The following GRIP1 variants were observed in gnomAD, a reference collection of about 807,000 sequenced individuals.
The protein encoded by GRIP1 is glutamate receptor interacting protein 1, also known as glutamate receptor-interacting protein 1.
A neutral mutation model predicts 129.9 loss-of-function variants in GRIP1; 45 were observed. The observed-to-expected ratio is 0.35, with a 90% CI of 0.27 to 0.44. The LOEUF (loss-of-function observed/expected upper bound fraction) is 0.44. Ranked by LOEUF, GRIP1 falls within the 20% of genes least tolerant of loss-of-function variation. GRIP1 has a pLI of 1.00. For synonymous variants in GRIP1, 530 were observed against 520.8 expected (o/e 1.02, Z -0.24); for missense variants, 1,196 against 1,396.8 (o/e 0.86, Z 2.29).
intron 7 of GRIP1, among the ~76,000 whole-genome samples, chr12:66,503,908 T>A (rs1439962217): frequency 6.6e-6 from 1 of 152,170 alleles, no homozygotes; most frequent in Non-Finnish European, 1.5e-5. Flanking sequence ...GGACAGGAAC[T>A]TTTCATAGGG....
rs1461385654 is a variant in GRIP1 at position 66,349,228 on chromosome 12, T to C, written c.3178A>G (p.Arg1060Gly). 7.4e-6 allele frequency: 12 copies of C among 1,613,880 alleles called. No individual in the cohort carries two copies. Among genetic ancestry groups the C allele is most frequent in the Non-Finnish European group, 1.0e-5 (12 of 1,179,768 alleles). The change falls in exon 25 of 25, where the codon AGA becomes GGA. Residue 1060 changes from arginine to glycine, a missense_variant. Physicochemically the swap from Arg to Gly is moderately radical, Grantham distance 125. Transcript: ENST00000359742. Reference protein sequence around the residue: ...RLLQVNHVRTRDFDCCLVVPL... With the variant: ...RLLQVNHVRTGDFDCCLVVPL... ...ACAACAAGGCAGCAGTCAAAGTCTC[T>C]GGTTCGGACATGATTCACCTGAAAG... is the stretch of plus-strand genomic sequence containing the variant.
rs12312831 is a variant in GRIP1 at position 66,349,788 on chromosome 12, C to T, written c.3160-542G>A. ...CTTGATGCCAGGAGTTTGAGACCAG[C>T]CTGGGCAACATAGTGAGACCCTGTC... On this transcript the variant is annotated intron_variant, in intron 24 of 24. Coordinates refer to ENST00000359742, the MANE Select transcript of GRIP1 (RefSeq NM_001366722.1). 5.2e-3 allele frequency among the ~76,000 whole-genome samples: 782 copies of T among 150,634 alleles called. 10 individuals carry two copies. Among genetic ancestry groups the T allele is most frequent in the African/African-American group, 0.018 (740 of 40,882 alleles).
At chr12:66,457,160 T>G (rs1397893587) in intron 9 of GRIP1, among the ~76,000 whole-genome samples, 1 of 152,216 alleles carries the variant, frequency 6.6e-6, no homozygotes. Context: ...ATATTAAGAT[T>G]TGATATTCCA....
intron 7 of GRIP1, among the ~76,000 whole-genome samples, chr12:66,498,354 G>A (rs1320093160): frequency 6.6e-6 from 1 of 152,176 alleles, no homozygotes; most frequent in African/African-American, 2.4e-5. Context: ...CAGGCTAAGG[G>A]GAGAAGTACT....
intron 2 of GRIP1, among the ~76,000 whole-genome samples, chr12:66,573,279 A>C (rs2063027271): frequency 6.6e-6 from 1 of 151,996 alleles, no homozygotes; most frequent in Admixed American, 6.5e-5. Flanking sequence ...ATCCTCTCTG[A>C]GTCAAGACTC....
At chr12:66,574,900 G>C (rs1414895537) in intron 2 of GRIP1, among the ~76,000 whole-genome samples, 1 of 150,652 alleles carries the variant, frequency 6.6e-6, no homozygotes, top group African/African-American at 2.4e-5. Context: ...TCATCTTCCT[G>C]GTATAACAGG....
At chr12:67,069,294 T>G, upstream of GRIP1, 3 of 143,248 alleles carry the variant, frequency 2.1e-5, no homozygotes, top group Non-Finnish European at 4.1e-5. Flanking sequence ...CCCCTCAAAC[T>G]CGCCGGCGGC....
At chr12:66,789,643 C>G (rs1490006338) in intron 1 of GRIP1, among the ~76,000 whole-genome samples, 1 of 151,702 alleles carries the variant, frequency 6.6e-6, no homozygotes, top group African/African-American at 2.4e-5. Flanking sequence ...TTTCCATTAA[C>G]TATTTAAACA....
chr12:66,791,957 G>T (rs1330026367), intron 1 of GRIP1, among the ~76,000 whole-genome samples: 4 of 152,260 alleles, frequency 2.6e-5, no homozygotes, highest in Admixed American at 1.3e-4. Context: ...AGTCAACAAT[G>T]TTCTCACATG....
exon 1 of GRIP1, chr12:67,069,102 G>A (rs1476801396): frequency 9.1e-6 from 9 of 984,788 alleles, no homozygotes; most frequent in Non-Finnish European, 1.1e-5. Context: ...TCTTCCAGCC[G>A]GGCATGGTGT....
In GRIP1 at chr12:66,434,020, C is replaced by T. The variant is rs191758002; in HGVS notation, c.1688-1392G>A. ...ATTCATGGAAAGAGAGAGAGGACTC[C>T]CTTCTTTGTTTGGCCTTGAATTGCT... On this transcript the variant is annotated intron_variant, in intron 13 of 24. Coordinates refer to ENST00000359742, the MANE Select transcript of GRIP1 (RefSeq NM_001366722.1). Among the ~76,000 whole-genome samples, 10 of 152,268 alleles carry T rather than the reference C, an allele frequency of 6.6e-5. No individual in the cohort carries two copies. In the East Asian group the frequency reaches 1.9e-3, roughly 29 times the overall value.
chr12:66,363,147 A>C (rs2054880200), intron 23 of GRIP1, among the ~76,000 whole-genome samples: 1 of 141,516 alleles, frequency 7.1e-6, no homozygotes, highest in Non-Finnish European at 1.5e-5. Flanking sequence ...ATATACACAC[A>C]CATATATACA....
chr12:66,379,537 G>A (rs1434366150), intron 19 of GRIP1, 101 bp from the exon 20 acceptor site: 2 of 1,146,768 alleles, frequency 1.7e-6, no homozygotes, highest in African/African-American at 3.0e-5. Flanking sequence ...TAACGGCAAT[G>A]ACAATAACAA....
intron 1 of GRIP1, among the ~76,000 whole-genome samples, chr12:66,971,065 C>T (rs926705552): frequency 2.6e-4 from 39 of 152,136 alleles, no homozygotes; most frequent in African/African-American, 8.9e-4. Context: ...CAGACTCCTG[C>T]GCCTAGGAGT....
intron 1 of GRIP1, among the ~76,000 whole-genome samples, chr12:66,877,378 A>G (rs1364641029): frequency 6.6e-6 from 1 of 152,088 alleles, no homozygotes; most frequent in Non-Finnish European, 1.5e-5. Flanking sequence ...GGTAAAATGT[A>G]TTTTAAGTCA....
chr12:66,355,388 C>T (rs766458498), intron 23 of GRIP1, among the ~76,000 whole-genome samples: 5 of 152,160 alleles, frequency 3.3e-5, no homozygotes, highest in Non-Finnish European at 5.9e-5. Context: ...ATCCTTATAA[C>T]GATTCCGTAA....
At chr12:66,558,899 TC>T (rs1171349840) in intron 2 of GRIP1, among the ~76,000 whole-genome samples, 1 of 151,710 alleles carries the variant, frequency 6.6e-6, no homozygotes, top group African/African-American at 2.4e-5. Context: ...AAGCTAATAT[TC>T]CCAATAAACC....
At chr12:67,012,005 G>T (rs992420978) in intron 1 of GRIP1, among the ~76,000 whole-genome samples, 1 of 152,154 alleles carries the variant, frequency 6.6e-6, no homozygotes, top group African/African-American at 2.4e-5. Flanking sequence ...TAGACTCTAA[G>T]CTGCAGGAAG....
chr12:66,666,225 T>C (rs2136215291), intron 1 of GRIP1, among the ~76,000 whole-genome samples: 1 of 152,292 alleles, frequency 6.6e-6, no homozygotes, highest in Non-Finnish European at 1.5e-5. Context: ...TGTAAATATT[T>C]TTCACTGGAG....
Sources: allele counts gnomAD v4.1 joint callset (sites outside exome capture counted in the v4.1 genomes callset), GRCh38; gene constraint gnomAD v4.1.1; transcripts MANE v1.5; gene names NCBI Gene and HGNC (gene_info 2026-07-23, HGNC 2026-07-21).